The following NFATC1 variants were observed in gnomAD, a reference collection of about 807,000 sequenced individuals.
NFATC1 encodes nuclear factor of activated T cells 1.
A neutral mutation model predicts 76.0 loss-of-function variants in NFATC1; 22 were observed. That is an observed-to-expected ratio of 0.29 (90% CI 0.21 to 0.41). The LOEUF is 0.41. Among genes scored for constraint, NFATC1 ranks in the 10% least tolerant of loss-of-function variants. The pLI is 1.00. For missense variants in NFATC1, 1,357 were observed against 1,337.7 expected (o/e 1.01, Z -0.23); for synonymous variants, 704 against 613.1 (o/e 1.15, Z -2.19).
At chr18:79,403,930 T>C (rs927236555) in intron 1 of NFATC1, among the ~76,000 whole-genome samples, 1 of 152,208 alleles carries the variant, frequency 6.6e-6, no homozygotes, top group Non-Finnish European at 1.5e-5. Context: ...TGCTCTGTTG[T>C]TCAAGTTCAG....
intron 3 of NFATC1, among the ~76,000 whole-genome samples, chr18:79,434,792 C>G (rs1196473904): frequency 6.6e-6 from 1 of 152,252 alleles, no homozygotes; most frequent in Non-Finnish European, 1.5e-5. Context: ...GCCAACGCAG[C>G]AGCCGGCGGC....
At chr18:79,455,528 C>T (rs1227413334) in intron 6 of NFATC1, among the ~76,000 whole-genome samples, 1 of 152,192 alleles carries the variant, frequency 6.6e-6, no homozygotes, top group Non-Finnish European at 1.5e-5. Context: ...GGCCTGGACC[C>T]AGTGCCGTGC....
chr18:79,402,885 C>T (rs1054317046), intron 1 of NFATC1, among the ~76,000 whole-genome samples: 1 of 152,220 alleles, frequency 6.6e-6, no homozygotes, highest in Non-Finnish European at 1.5e-5. Flanking sequence ...GAAACTACTT[C>T]ACGTTGTTTC....
At chr18:79,399,561 C>G (rs1046950634) in intron 1 of NFATC1, among the ~76,000 whole-genome samples, 3 of 152,252 alleles carry the variant, frequency 2.0e-5, no homozygotes, top group Admixed American at 1.3e-4. Context: ...CTAAGCAGCC[C>G]GGCTTTCCGG....
In NFATC1 at chr18:79,467,538, G is replaced by A. The variant is rs1248856890; in HGVS notation, c.2048G>A (p.Arg683Lys). The A allele has an allele frequency of 2.5e-6, 4 of 1,614,068 alleles. No individual in the cohort carries two copies. Among genetic ancestry groups the A allele is most frequent in the Non-Finnish European group, 1.7e-6 (2 of 1,179,992 alleles). ...HVSFYVCNGK[R>K]KRSQYQRFTY... ...AGTTTCTACGTCTGCAACGGGAAGA[G>A]AAAGCGAAGCCAGTACCAGCGTTTC... The change falls in exon 8 of 10, where the codon AGA (arginine) becomes AAA (lysine). Residue 683 changes from arginine to lysine, a missense_variant. Physicochemically the swap from Arg to Lys is conservative, Grantham distance 26. Transcript: ENST00000427363.
At chr18:79,515,632 G>C (rs1418154488) in intron 9 of NFATC1, among the ~76,000 whole-genome samples, 1 of 151,968 alleles carries the variant, frequency 6.6e-6, no homozygotes, top group Non-Finnish European at 1.5e-5. Flanking sequence ...CTACAAAGAA[G>C]GAGGCCGCCT....
In NFATC1 at chr18:79,410,969, G is replaced by A. The variant is rs1063669; in HGVS notation, c.694G>A (p.Gly232Ser). The change falls in exon 2 of 10, where the codon GGT becomes AGT. Residue 232 changes from glycine (G) to serine (S), a missense_variant. Coordinates refer to ENST00000427363, the MANE Select transcript of NFATC1 (RefSeq NM_001278669.2). This position sits in a 1 kb window ranked among gnomAD's most constrained non-coding sequence, Gnocchi z 6.7. ...PRGLGACTLL[G>S]SPRHSPSTSP... ...CGGGCTGGGGGCCTGCACACTGCTG[G>A]GTTCCCCGCGGCACTCCCCCTCCAC... is the stretch of plus-strand genomic sequence containing the variant. 1.9e-6 allele frequency: 3 copies of A among 1,603,006 alleles called. No homozygotes were observed. Among genetic ancestry groups the A allele is most frequent in the Non-Finnish European group, 2.6e-6 (3 of 1,175,264 alleles).
chr18:79,427,467 GGGGGCTGTACCACTGGCC>G (rs2086398712), intron 2 of NFATC1, among the ~76,000 whole-genome samples: 1 of 99,076 alleles, frequency 1.0e-5, no homozygotes, highest in Non-Finnish European at 2.2e-5. Context: ...TGCGGTGGGT[GGGGGCTGTACCACTGGCC>G]TCTGTGCGGT....
intron 3 of NFATC1, among the ~76,000 whole-genome samples, chr18:79,438,110 G>A (rs181816825): frequency 3.7e-4 from 57 of 152,324 alleles, no homozygotes; most frequent in African/African-American, 1.0e-3. Context: ...CCGGCTCCCC[G>A]CTCCGTCCGA....
At chr18:79,481,339 T>G (rs1489455209) in intron 8 of NFATC1, among the ~76,000 whole-genome samples, 1 of 152,220 alleles carries the variant, frequency 6.6e-6, no homozygotes, top group Non-Finnish European at 1.5e-5. Context: ...AGACAGCGGT[T>G]AGAGCCCCAC....
chr18:79,406,405 C>A (rs188871333), intron 1 of NFATC1, among the ~76,000 whole-genome samples: 1 of 152,120 alleles, frequency 6.6e-6, no homozygotes, highest in Admixed American at 6.5e-5. Flanking sequence ...GAGAGGAAGT[C>A]GGGGTGTGGG....
chr18:79,408,080 C>T (rs1316957065), intron 1 of NFATC1, among the ~76,000 whole-genome samples: 3 of 152,234 alleles, frequency 2.0e-5, no homozygotes, highest in Non-Finnish European at 4.4e-5. Context: ...ACGGTGTGTC[C>T]TCTTACCAGG....
At chr18:79,439,104 C>T (rs1046537155) in intron 3 of NFATC1, among the ~76,000 whole-genome samples, 3 of 152,172 alleles carry the variant, frequency 2.0e-5, no homozygotes, top group Non-Finnish European at 2.9e-5. Flanking sequence ...CCTGAGAGCC[C>T]GTGAATACCG....
rs747163797 is a variant in NFATC1 at position 79,411,157 on chromosome 18, C to T, written c.882C>T (p.Ser294=). 1.4e-5 allele frequency: 23 copies of T among 1,612,230 alleles called. No individual in the cohort carries two copies. Among genetic ancestry groups the T allele is most frequent in the South Asian group, 7.7e-5 (7 of 91,072 alleles). The change falls in exon 2 of 10, where the codon AGC becomes AGT. Residue 294 remains serine, a synonymous_variant. Transcript: ENST00000427363. ...CCCCGCACGGCTCCCCGCGGGTCAG[C>T]GTGACCGACGACTCGTGGTTGGGCA... ...TPSPHGSPRV[S]VTDDSWLGNT... is the part of the protein sequence containing the mutation.
rs1333361421 is a variant in NFATC1 at position 79,433,592 on chromosome 18, G to A, written c.1240G>A (p.Ala414Thr). 18 of 1,612,920 alleles carry A rather than the reference G, an allele frequency of 1.1e-5. No homozygotes were observed. Among genetic ancestry groups the A allele is most frequent in the African/African-American group, 1.1e-4 (8 of 74,852 alleles). The part of the protein sequence containing the change: ...PTSYMSPTLP[A>T]LDWQLPSHSG... ...GTTCCCTTCCAGCCCGACCCTGCCC[G>A]CCCTGGACTGGCAGCTGCCGTCCCA... Residue 414 changes from alanine to threonine, a missense_variant, in exon 3 of 10, where the codon GCC becomes ACC. Ala to Thr is a moderately conservative substitution (Grantham distance 58, BLOSUM62 0). This residue lies in a region of NFATC1 where 691 missense variants were observed against 613.1 expected (regional missense o/e 1.13). Transcript: ENST00000427363.
chr18:79,506,786 C>T (rs2090129308), intron 9 of NFATC1, among the ~76,000 whole-genome samples: 1 of 152,132 alleles, frequency 6.6e-6, no homozygotes, highest in South Asian at 2.1e-4. Flanking sequence ...CCACTTCCTG[C>T]CTGGCTTCTG....
chr18:79,403,233 G>C (rs1053051539), intron 1 of NFATC1, among the ~76,000 whole-genome samples: 1 of 152,262 alleles, frequency 6.6e-6, no homozygotes, highest in Non-Finnish European at 1.5e-5. Flanking sequence ...GCGTCTTCAC[G>C]GGGTGCTTTG....
rs770988746 is a variant in NFATC1 at position 79,433,638 on chromosome 18, G to A, written c.1286G>A (p.Arg429Gln). 9 of 1,612,998 alleles carry A rather than the reference G, an allele frequency of 5.6e-6. No individual in the cohort carries two copies. Among genetic ancestry groups the A allele is most frequent in the Admixed American group, 3.3e-5 (2 of 60,000 alleles). The change falls in exon 3 of 10, where the codon CGG becomes CAG. Residue 429 changes from arginine to glutamine, a missense_variant. Around this residue, in one of 3 missense-constraint regions of NFATC1, gnomAD observed 691 missense variants for 613.1 expected, o/e 1.13. Transcript: ENST00000427363. ...TCCCACTCAGGCCCGTATGAGCTTC[G>A]GATTGAGGTGCAGCCCAAGTCCCAC... is the stretch of plus-strand genomic sequence containing the variant. ...LPSHSGPYEL[R>Q]IEVQPKSHHR...
At chr18:79,479,795 C>T (rs1482486159) in intron 8 of NFATC1, among the ~76,000 whole-genome samples, 1 of 152,224 alleles carries the variant, frequency 6.6e-6, no homozygotes, top group African/African-American at 2.4e-5. Flanking sequence ...CCTGGCTGTG[C>T]TTCGCGGCAG....
Sources: allele counts gnomAD v4.1 joint callset (sites outside exome capture counted in the v4.1 genomes callset), GRCh38; gene constraint gnomAD v4.1.1; regional missense constraint gnomAD v4.1.1; non-coding constraint Gnocchi (gnomAD v3.1); transcripts MANE v1.5; gene names NCBI Gene and HGNC (gene_info 2026-07-23, HGNC 2026-07-21).